Variants in RUFY2 observed in about 807,000 individuals in gnomAD.
RUFY2 encodes RUN and FYVE domain-containing protein 2.
A neutral mutation model predicts 94.4 loss-of-function variants in RUFY2; 49 were observed. The ratio of observed to expected loss-of-function variants is 0.52; its 90% CI spans 0.41 to 0.66. The LOEUF (loss-of-function observed/expected upper bound fraction) is 0.66. Among genes scored for constraint, RUFY2 ranks in the 30% least tolerant of loss-of-function variants. The pLI is 0.00. For synonymous variants in RUFY2, 255 were observed against 235.7 expected, an observed-to-expected ratio of 1.08 and a Z score of -0.75; for missense variants, 541 against 692.8, an observed-to-expected ratio of 0.78 and a Z score of 2.46.
At chr10:68,388,697 G>T (rs1291267037) in intron 7 of RUFY2, among the ~76,000 whole-genome samples, 1 of 151,896 alleles carries the variant, frequency 6.6e-6, no homozygotes, top group Admixed American at 6.6e-5. Context: ...TTAGCTGGGT[G>T]TCGTGGCGCA....
At chr10:68,381,720 C>T (rs1299994002) in intron 10 of RUFY2, among the ~76,000 whole-genome samples, 2 of 152,094 alleles carry the variant, frequency 1.3e-5, no homozygotes, top group East Asian at 1.9e-4. Flanking sequence ...TGGTGGCACA[C>T]GCCTGTAGTC....
intron 16 of RUFY2, among the ~76,000 whole-genome samples, chr10:68,349,818 G>A (rs1242048821): frequency 6.6e-6 from 1 of 151,920 alleles, no homozygotes; most frequent in African/African-American, 2.4e-5. Context: ...GATTACAGGC[G>A]TGAGCCACCG....
chr10:68,363,824 C>A (rs978659275), intron 14 of RUFY2, 140 bp from the exon 15 acceptor site: 2 of 821,448 alleles, frequency 2.4e-6, no homozygotes, highest in South Asian at 2.0e-5. Context: ...TCTTTCCTAG[C>A]TGCTGTATCA....
intron 2 of RUFY2, 94 bp downstream of exon 2, chr10:68,404,577 A>T: frequency 1.3e-6 from 1 of 776,182 alleles, no homozygotes. Flanking sequence ...AGTGCACAGT[A>T]ACGTAATTAT....
chr10:68,406,720 TG>T, intron 1 of RUFY2: 3 of 1,574,748 alleles, frequency 1.9e-6, no homozygotes, highest in Admixed American at 1.8e-5. Flanking sequence ...CCCAGAGGCC[TG>T]GGGGCCCCCC....
intron 2 of RUFY2, 101 bp from the exon 3 acceptor site, chr10:68,401,838 T>A: frequency 1.4e-6 from 1 of 721,036 alleles, no homozygotes; most frequent in Non-Finnish European, 2.4e-6. Context: ...AACATACAAT[T>A]ATTCAGAGAT....
chr10:68,352,576 T>C (rs1467114203), intron 16 of RUFY2, among the ~76,000 whole-genome samples: 2 of 152,236 alleles, frequency 1.3e-5, no homozygotes, highest in Non-Finnish European at 2.9e-5. Context: ...GAAGCTTTTT[T>C]AAATAGAGGT....
At position 68,392,782 on chromosome 10, in the gene RUFY2, A is replaced by T. The variant is rs76491537; in HGVS notation, c.650+356T>A. On this transcript the variant is annotated intron_variant, in intron 7 of 17. Transcript: ENST00000602465. ...CTAAAATACAAAAAAAAAAAAAAAA[A>T]TTAGGTGTGGTGGTGCGCGCCTATA... 5.5e-5 allele frequency among the ~76,000 whole-genome samples: 8 copies of T among 145,114 alleles called. No individual in the cohort carries two copies. In the East Asian group the frequency reaches 1.6e-3, roughly 29 times the overall value.
intron 16 of RUFY2, 53 bp downstream of exon 16, chr10:68,355,300 T>G (rs2046967367): frequency 7.8e-7 from 1 of 1,276,600 alleles, no homozygotes; most frequent in African/African-American, 1.5e-5. Flanking sequence ...GGGCATTACC[T>G]TCCATTGGAG....
chr10:68,363,778 T>C (rs2047622512), intron 14 of RUFY2, 94 bp from the exon 15 acceptor site: 1 of 909,230 alleles, frequency 1.1e-6, no homozygotes, highest in Non-Finnish European at 1.6e-6. Context: ...ACAAACATCC[T>C]TTAGCTTTTT....
chr10:68,406,817 C>T (rs1241182746), intron 1 of RUFY2: 1 of 1,612,884 alleles, frequency 6.2e-7, no homozygotes, highest in Non-Finnish European at 8.5e-7. Context: ...CAGGCCAAAA[C>T]CTGAGATGCG....
Position 68,364,104 on chromosome 10 carries a change from C to A in RUFY2, c.1335G>T (p.Leu445=), listed in dbSNP as rs773301824. The A allele has an allele frequency of 6.2e-7, 1 of 1,611,886 alleles. No homozygotes were observed. The highest frequency in any genetic ancestry group is 1.7e-5 in the Admixed American group (1 of 59,840). The change falls in exon 14 of 18, where the codon CTG becomes CTT. Residue 445 remains leucine, a synonymous_variant. Coordinates refer to ENST00000602465, the MANE Select transcript of RUFY2 (RefSeq NM_001330103.2). ...CCTTCTCAATCTTCAAGTCAGTTTC[C>A]AGTTGCACCCTTGAATGACAAATAA... The part of the protein sequence containing the change: ...ISQKEKQLVQ[L]ETDLKIEKEW...
At chr10:68,386,846 C>T (rs2049540385) in intron 7 of RUFY2, among the ~76,000 whole-genome samples, 1 of 152,066 alleles carries the variant, frequency 6.6e-6, no homozygotes, top group Non-Finnish European at 1.5e-5. Context: ...CATTTTGATT[C>T]CCCTCTCCAT....
intron 13 of RUFY2, among the ~76,000 whole-genome samples, chr10:68,376,099 T>C (rs1046797273): frequency 7.1e-6 from 1 of 141,410 alleles, no homozygotes; most frequent in South Asian, 2.2e-4. Flanking sequence ...TGAGACTCCA[T>C]CTCGAAGGAA....
chr10:68,405,995 C>T (rs1259349668), intron 1 of RUFY2, among the ~76,000 whole-genome samples: 3 of 152,192 alleles, frequency 2.0e-5, no homozygotes, highest in Non-Finnish European at 4.4e-5. Context: ...TCTCAGTTTA[C>T]TTAGAAATTC....
chr10:68,388,797 C>A (rs1367624298), intron 7 of RUFY2, among the ~76,000 whole-genome samples: 1 of 143,266 alleles, frequency 7.0e-6, no homozygotes. Context: ...GATCAGGCCA[C>A]TGCACTCCAG....
At chr10:68,355,525 C>T (rs1353905029) in intron 15 of RUFY2, 124 bp from the exon 16 acceptor site, 10 of 556,846 alleles carry the variant, frequency 1.8e-5, no homozygotes, top group East Asian at 3.2e-5. Context: ...ATTTTTATGG[C>T]CTTCTCTGGC....
intron 7 of RUFY2, 58 bp from the exon 8 acceptor site, chr10:68,386,186 A>G (rs2049482056): frequency 7.3e-7 from 1 of 1,369,894 alleles, no homozygotes; most frequent in African/African-American, 1.4e-5. Context: ...AAAGGCACGA[A>G]AAAATATGTT....
intron 13 of RUFY2, among the ~76,000 whole-genome samples, chr10:68,368,008 C>A (rs1027735494): frequency 6.6e-5 from 10 of 151,286 alleles, no homozygotes; most frequent in African/African-American, 2.2e-4. Flanking sequence ...CTCTGTCGCC[C>A]AGGCTGGAGT....
Sources: gnomAD v4.1 joint callset for allele counts (sites outside exome capture counted in the v4.1 genomes callset) on GRCh38, gnomAD v4.1.1 for gene constraint, MANE v1.5 for transcripts, NCBI Gene and HGNC (gene_info 2026-07-23, HGNC 2026-07-21) for gene names.